The following ARAP2 variants were observed in gnomAD, a reference collection of about 807,000 sequenced individuals.
The protein encoded by ARAP2 is arf-GAP with Rho-GAP domain, ANK repeat and PH domain-containing protein 2.
Under a neutral mutation model 194.5 loss-of-function variants are expected in ARAP2, and 148 were observed. The ratio of observed to expected loss-of-function variants is 0.76; its 90% CI spans 0.67 to 0.87. The LOEUF is 0.87. Ranked by LOEUF, ARAP2 falls within the 40% of genes least tolerant of loss-of-function variation. The pLI, the probability that ARAP2 is intolerant of heterozygous loss-of-function variation, is 0.00. For missense variants in ARAP2, 2,128 were observed against 1,989.7 expected, an observed-to-expected ratio of 1.07 and a Z score of -1.32; for synonymous variants, 695 against 683.5, an observed-to-expected ratio of 1.02 and a Z score of -0.26.
intron 20 of ARAP2, among the ~76,000 whole-genome samples, chr4:36,132,573 T>C (rs2109610342): frequency 6.6e-6 from 1 of 151,864 alleles, no homozygotes; most frequent in African/African-American, 2.4e-5. Context: ...CTCATAACCA[T>C]TTGAAAATAA....
At chr4:36,235,124 T>A (rs1752204670) in intron 1 of ARAP2, among the ~76,000 whole-genome samples, 2 of 152,274 alleles carry the variant, frequency 1.3e-5, no homozygotes, top group South Asian at 4.1e-4. Flanking sequence ...CCTGCTCACA[T>A]CCTAGCCTAA....
chr4:36,117,051 T>C lies in ARAP2; in HGVS notation c.4038+10A>G, dbSNP rs1226430456. ...CAACAGTCCTCTTTACATCCACCTT[T>C]AGAACTTACCCGAATTATAATACTA... On this transcript the variant is annotated intron_variant, in intron 25 of 32. Transcript: ENST00000303965. 3 of 1,572,366 alleles carry C rather than the reference T, an allele frequency of 1.9e-6. No individual in the cohort carries two copies. The highest frequency in any genetic ancestry group is 2.3e-5 in the East Asian group (1 of 42,902).
At position 36,189,763 on chromosome 4, in the gene ARAP2, A is replaced by T. The variant is rs533670325; in HGVS notation, c.1558-2192T>A. 6.6e-5 allele frequency among the ~76,000 whole-genome samples: 10 copies of T among 152,232 alleles called. No homozygotes were observed. In the South Asian group the frequency reaches 1.9e-3, roughly 28 times the overall value. On this transcript the variant is annotated intron_variant, in intron 7 of 32. Coordinates refer to ENST00000303965, the MANE Select transcript of ARAP2 (RefSeq NM_015230.4). ...AAATTTCTCTCTTCCTTTCTTATCT[A>T]TTCATTTCACTCAATTTCACTGCCA... is the stretch of plus-strand genomic sequence containing the variant.
Position 36,147,341 on chromosome 4 carries a change from T to A in ARAP2, c.3218A>T (p.Gln1073Leu), listed in dbSNP as rs767322440. The change falls in exon 19 of 33, where the codon CAA becomes CTA. Residue 1073 changes from glutamine (Q) to leucine (L), a missense_variant. Coordinates refer to ENST00000303965, the MANE Select transcript of ARAP2 (RefSeq NM_015230.4). ...LQELTISTMVQNGEKLDVLLL... is the reference protein window; with the variant it reads ...LQELTISTMVLNGEKLDVLLL... ...TAAAACATCCAGTTTTTCCCCATTT[T>A]GAACCATTGTGCTGATTGCTGAAGG... is the stretch of plus-strand genomic sequence containing the variant. 2 of 1,613,100 alleles carry A rather than the reference T, an allele frequency of 1.2e-6. No homozygotes were observed.
At chr4:36,196,101 C>T (rs878958977) in intron 6 of ARAP2, among the ~76,000 whole-genome samples, 3 of 152,186 alleles carry the variant, frequency 2.0e-5, no homozygotes, top group African/African-American at 4.8e-5. Context: ...CTTCAGAACA[C>T]GCAGAATTAA....
At chr4:36,023,871 T>A (rs1486367175) in intron 5 of ARAP2, among the ~76,000 whole-genome samples, 1 of 152,144 alleles carries the variant, frequency 6.6e-6, no homozygotes, top group South Asian at 2.1e-4. Context: ...ACAGAAGTGG[T>A]TTGAAGAAGA....
In ARAP2 at chr4:36,067,282, A is replaced by G. The variant is rs893042672; in HGVS notation, c.*625T>C. On this transcript the variant is annotated 3_prime_UTR_variant, in exon 33 of 33. Coordinates refer to ENST00000303965, the MANE Select transcript of ARAP2 (RefSeq NM_015230.4). ...ATAAACACTGGACTTTTTCTTAACA[A>G]GTGGTTTCTCATTGACAAGTTCTGG... 6.6e-6 allele frequency: 1 copy of G among 152,652 alleles called. No individual in the cohort carries two copies. The highest frequency in any genetic ancestry group is 2.4e-5 in the African/African-American group (1 of 41,438). The allele number at this position is 152,652 out of a possible 1,614,324, so 9.5% of individuals were successfully genotyped here. A position where few individuals can be genotyped will look rare whatever the true frequency, so the allele number is the denominator to read the frequency against.
intron 1 of ARAP2, among the ~76,000 whole-genome samples, chr4:36,240,462 G>A (rs1393373580): frequency 6.6e-6 from 1 of 152,180 alleles, no homozygotes; most frequent in African/African-American, 2.4e-5. Context: ...CTTAACACCT[G>A]GGACACAAAG....
intron 2 of ARAP2, chr4:36,057,930 T>G (rs1167137124): frequency 8.7e-6 from 1 of 115,062 alleles, no homozygotes; most frequent in Non-Finnish European, 2.0e-5. Flanking sequence ...TGCCAGAAAT[T>G]GAAAAAAAAA....
chr4:36,043,280 G>T (rs560789449), intron 5 of ARAP2, among the ~76,000 whole-genome samples: 1 of 152,212 alleles, frequency 6.6e-6, no homozygotes, highest in Non-Finnish European at 1.5e-5. Context: ...TAAAATAATT[G>T]TAAGTTTGAT....
intron 5 of ARAP2, among the ~76,000 whole-genome samples, chr4:36,021,620 C>T (rs1237305253): frequency 5.9e-5 from 9 of 152,308 alleles, no homozygotes; most frequent in Non-Finnish European, 8.8e-5. Context: ...TGCCGCTAGG[C>T]TTCCTGTATA....
At chr4:36,076,719 C>T (rs2109329644) in intron 31 of ARAP2, among the ~76,000 whole-genome samples, 1 of 152,174 alleles carries the variant, frequency 6.6e-6, no homozygotes, top group African/African-American at 2.4e-5. Context: ...TAAGTGCTGA[C>T]TTCCCCCAAA....
intron 27 of ARAP2, among the ~76,000 whole-genome samples, chr4:36,098,853 A>G (rs1225093884): frequency 2.6e-5 from 4 of 152,096 alleles, no homozygotes; most frequent in Non-Finnish European, 5.9e-5. Flanking sequence ...GAATTCATGA[A>G]ACATCATATT....
At chr4:36,225,479 T>G (rs1459395940) in intron 2 of ARAP2, among the ~76,000 whole-genome samples, 1 of 151,902 alleles carries the variant, frequency 6.6e-6, no homozygotes, top group Non-Finnish European at 1.5e-5. Flanking sequence ...GGCCTCCAAG[T>G]GAAGGTGATA....
chr4:36,238,936 AAAAAAC>A (rs1005912104), intron 1 of ARAP2, among the ~76,000 whole-genome samples: 6 of 54,084 alleles, frequency 1.1e-4, no homozygotes, highest in East Asian at 1.3e-3. Flanking sequence ...TGGTTATGGT[AAAAAAC>A]AAAAACAAAA....
At chr4:36,135,753 G>A (rs1726552149) in intron 19 of ARAP2, among the ~76,000 whole-genome samples, 1 of 151,676 alleles carries the variant, frequency 6.6e-6, no homozygotes, top group Non-Finnish European at 1.5e-5. Flanking sequence ...ATATTCACAA[G>A]TTTAGGTAAA....
chr4:36,240,437 A>G (rs1298027109), intron 1 of ARAP2, among the ~76,000 whole-genome samples: 1 of 152,220 alleles, frequency 6.6e-6, no homozygotes. Context: ...GAATGATGAT[A>G]ATTTCACCTG....
intron 9 of ARAP2, among the ~76,000 whole-genome samples, chr4:36,171,121 A>AAC (rs1475715620): frequency 6.6e-6 from 1 of 152,224 alleles, no homozygotes; most frequent in Non-Finnish European, 1.5e-5. Flanking sequence ...AAATAGGGAT[A>AAC]ACAGTAGCAC....
chr4:36,207,343 T>G (rs896408279), intron 6 of ARAP2, among the ~76,000 whole-genome samples: 4 of 152,256 alleles, frequency 2.6e-5, no homozygotes, highest in Non-Finnish European at 5.9e-5. Context: ...TTGACCTGTT[T>G]GAAATACAGC....
Sources: gnomAD v4.1 joint callset for allele counts (sites outside exome capture counted in the v4.1 genomes callset) on GRCh38, gnomAD v4.1.1 for gene constraint, MANE v1.5 for transcripts, NCBI Gene and HGNC (gene_info 2026-07-23, HGNC 2026-07-21) for gene names.